Variants in PEX5L observed in about 807,000 individuals in gnomAD.
PEX5L encodes the protein peroxisomal biogenesis factor 5 like, also known as PEX5-related protein.
In PEX5L, 30 loss-of-function variants were observed where a neutral mutation model predicts 84.0. That is an observed-to-expected ratio of 0.36 (90% CI 0.27 to 0.48). The LOEUF (loss-of-function observed/expected upper bound fraction) is 0.48, where lower values mean the gene tolerates loss of function less well. PEX5L is among the 20% of genes least tolerant of loss of function. The probability of loss-of-function intolerance (pLI) is 0.99; values close to 1 mark genes in which losing one functional copy is unlikely to be tolerated. For synonymous variants in PEX5L, 270 were observed against 283.1 expected (o/e 0.95, Z 0.46); for missense variants, 533 against 754.6 (o/e 0.71, Z 3.44).
At chr3:179,911,520 A>C (rs1040622296) in intron 2 of PEX5L, among the ~76,000 whole-genome samples, 3 of 152,210 alleles carry the variant, frequency 2.0e-5, no homozygotes, top group Non-Finnish European at 4.4e-5. Flanking sequence ...TATATGTAAA[A>C]GTAAGAATTC....
In PEX5L at chr3:179,859,128, T is replaced by TCC; in HGVS notation, c.754_755dup (p.Ser253GlufsTer11). The TCC allele has an allele frequency of 6.2e-7, 1 of 1,613,944 alleles. No homozygotes were observed. Among genetic ancestry groups the TCC allele is most frequent in the Non-Finnish European group, 8.5e-7 (1 of 1,179,794 alleles). ...AGTGGTTTCTAGAAAGTAATGCGCT[T>TCC]CCCCAGCGATGTTCTTTGGTCAGTC... On this transcript the variant is annotated frameshift_variant, in exon 8 of 15. Coordinates refer to ENST00000467460, the MANE Select transcript of PEX5L (RefSeq NM_016559.3). LOFTEE classifies it high-confidence loss of function.
intron 2 of PEX5L, among the ~76,000 whole-genome samples, chr3:179,903,791 T>C (rs964620249): frequency 6.6e-5 from 10 of 152,246 alleles, no homozygotes; most frequent in Non-Finnish European, 8.8e-5. Context: ...TGTAGATTTC[T>C]TCCAACACAA....
At chr3:179,907,466 C>T (rs1263699707) in intron 2 of PEX5L, among the ~76,000 whole-genome samples, 1 of 151,924 alleles carries the variant, frequency 6.6e-6, no homozygotes, top group Non-Finnish European at 1.5e-5. Context: ...GTGTGCACCA[C>T]CGTGTTTGGC....
intron 1 of PEX5L, among the ~76,000 whole-genome samples, chr3:180,015,255 A>T (rs1348680883): frequency 6.6e-6 from 1 of 152,218 alleles, no homozygotes; most frequent in Non-Finnish European, 1.5e-5. Flanking sequence ...ATGAATGTTT[A>T]AAACACATTT....
intron 2 of PEX5L, among the ~76,000 whole-genome samples, chr3:179,915,576 G>C (rs1355838539): frequency 1.3e-5 from 2 of 152,132 alleles, no homozygotes; most frequent in Non-Finnish European, 2.9e-5. Flanking sequence ...TGTGAAAATA[G>C]AGTGCTTATG....
intron 2 of PEX5L, among the ~76,000 whole-genome samples, chr3:179,901,214 T>G (rs1761216560): frequency 6.7e-6 from 1 of 148,632 alleles, no homozygotes; most frequent in African/African-American, 2.5e-5. Flanking sequence ...TATATGTAAT[T>G]GTTCAGACTT....
At chr3:179,952,212 G>A (rs1779269160) in intron 2 of PEX5L, among the ~76,000 whole-genome samples, 2 of 152,048 alleles carry the variant, frequency 1.3e-5, no homozygotes, top group East Asian at 1.9e-4. Flanking sequence ...CAAACAATCT[G>A]GCATAACAAC....
chr3:179,952,242 G>C (rs1368989138), intron 2 of PEX5L, among the ~76,000 whole-genome samples: 1 of 152,126 alleles, frequency 6.6e-6, no homozygotes, highest in African/African-American at 2.4e-5. Flanking sequence ...GCATACTCTT[G>C]TCTCTTTAGG....
At chr3:179,854,340 T>C (rs1743088261) in intron 8 of PEX5L, among the ~76,000 whole-genome samples, 1 of 152,054 alleles carries the variant, frequency 6.6e-6, no homozygotes, top group Admixed American at 6.5e-5. Context: ...GTGGATAATG[T>C]ATTTTAGGGC....
intron 2 of PEX5L, among the ~76,000 whole-genome samples, chr3:179,924,191 G>T (rs1578529144): frequency 1.3e-5 from 2 of 152,316 alleles, no homozygotes; most frequent in East Asian, 3.9e-4. Flanking sequence ...CTTGAGATGA[G>T]ATTTTGTTGC....
Position 179,795,677 on chromosome 3 carries a change from T to C in PEX5L, c.*6151A>G, listed in dbSNP as rs914626441. The C allele has an allele frequency of 1.3e-5, 2 of 152,198 alleles. No homozygotes were observed. Among genetic ancestry groups the C allele is most frequent in the Non-Finnish European group, 2.9e-5 (2 of 68,022 alleles). 9.4% of individuals were successfully genotyped at this position (152,198 alleles called of 1,614,324 possible). ...TTAAATTTTTTTCTTGTTATCTATT[T>C]CAGCCTGAAAATGAAATCCCAAGAC... On this transcript the variant is annotated 3_prime_UTR_variant, in exon 15 of 15. Coordinates refer to ENST00000467460, the MANE Select transcript of PEX5L (RefSeq NM_016559.3).
At chr3:179,952,038 T>A (rs1779223442) in intron 2 of PEX5L, among the ~76,000 whole-genome samples, 1 of 152,230 alleles carries the variant, frequency 6.6e-6, no homozygotes, top group Admixed American at 6.5e-5. Context: ...AGTGACTTTT[T>A]CCTCTTAAAC....
At position 179,850,126 on chromosome 3, in the gene PEX5L, C is replaced by CT. The variant is rs376165221; in HGVS notation, c.822+8935dup. Among the ~76,000 whole-genome samples the CT allele has an allele frequency of 7.3e-3, 1,062 of 146,254 alleles. 12 individuals carry two copies. The highest frequency in any genetic ancestry group is 0.02 in the South Asian group (94 of 4,618). On this transcript the variant is annotated intron_variant, in intron 8 of 14. Transcript: ENST00000467460. ...TTATCTAAGACTATCTTGCCTTATA[C>CT]TTTTTTTTTTTGTTTTTTTGATGGA...
At chr3:179,839,373 C>T (rs566907542) in intron 8 of PEX5L, among the ~76,000 whole-genome samples, 1 of 152,244 alleles carries the variant, frequency 6.6e-6, no homozygotes, top group Admixed American at 6.5e-5. Context: ...CTAAAAATTA[C>T]ATTAAAGATG....
At chr3:179,805,291 T>C (rs1236186763) in intron 14 of PEX5L, among the ~76,000 whole-genome samples, 1 of 152,060 alleles carries the variant, frequency 6.6e-6, no homozygotes, top group Non-Finnish European at 1.5e-5. Context: ...TTGCCAGATT[T>C]AGCAAATAAA....
chr3:179,866,695 T>G (rs145367654), intron 7 of PEX5L, among the ~76,000 whole-genome samples: 1,554 of 152,104 alleles, frequency 0.01, 34 homozygotes, highest in African/African-American at 0.035. Context: ...TACCCAGGAT[T>G]TTTTTTTCTT....
intron 2 of PEX5L, among the ~76,000 whole-genome samples, chr3:179,946,825 G>A (rs1777676295): frequency 6.6e-6 from 1 of 152,194 alleles, no homozygotes; most frequent in African/African-American, 2.4e-5. Flanking sequence ...GTTAGTGGAG[G>A]CAGCTTTTTC....
At chr3:179,809,027 TTGTG>T (rs1305747641) in intron 12 of PEX5L, among the ~76,000 whole-genome samples, 1 of 123,754 alleles carries the variant, frequency 8.1e-6, no homozygotes, top group African/African-American at 3.1e-5. Flanking sequence ...TGAGCCGAGA[TTGTG>T]CCACTGCACT....
intron 2 of PEX5L, among the ~76,000 whole-genome samples, chr3:179,960,764 G>C (rs1405247799): frequency 6.6e-6 from 1 of 152,070 alleles, no homozygotes; most frequent in Non-Finnish European, 1.5e-5. Flanking sequence ...TAAATGATTT[G>C]ATTAATGAAA....
Sources: allele counts gnomAD v4.1 joint callset (sites outside exome capture counted in the v4.1 genomes callset), GRCh38; gene constraint gnomAD v4.1.1; transcripts MANE v1.5; gene names NCBI Gene and HGNC (gene_info 2026-07-23, HGNC 2026-07-21).